The following DUS4L variants were observed in gnomAD, a reference collection of about 807,000 sequenced individuals.
The protein encoded by DUS4L is tRNA-dihydrouridine(20a/20b) synthase [NAD(P)+]-like.
A neutral mutation model predicts 33.8 loss-of-function variants in DUS4L; 31 were observed. The observed-to-expected ratio is 0.92, with a 90% CI of 0.69 to 1.24. The LOEUF is 1.24. Ranked by LOEUF, DUS4L falls within the 50% of genes most tolerant of loss-of-function variation. DUS4L has a pLI of 0.00. For synonymous variants in DUS4L, 103 were observed against 120.3 expected, an observed-to-expected ratio of 0.86 and a Z score of 0.94; for missense variants, 368 against 388.6, an observed-to-expected ratio of 0.95 and a Z score of 0.45.
intron 5 of DUS4L, 194 bp from the exon 6 acceptor site, chr7:107,574,994 C>G: frequency 1.5e-6 from 1 of 684,884 alleles, no homozygotes; most frequent in Non-Finnish European, 2.4e-6. Context: ...CTCCTGAGTA[C>G]TTTTTGATCT....
chr7:107,577,207 C>T, intron 7 of DUS4L, 106 bp from the exon 8 acceptor site: 1 of 1,464,100 alleles, frequency 6.8e-7, no homozygotes, highest in Admixed American at 2.1e-5. Context: ...CATTACAAAA[C>T]CTTGTGATAA....
intron 3 of DUS4L, chr7:107,567,695 G>A (rs1804835953): frequency 4.7e-6 from 2 of 428,440 alleles, no homozygotes; most frequent in Admixed American, 5.2e-5. Context: ...ATACAGTTCA[G>A]CAGTGTTAAT....
chr7:107,575,183 C>T lies in DUS4L; in HGVS notation c.357-5C>T. The T allele has an allele frequency of 6.2e-7, 1 of 1,606,134 alleles. No homozygotes were observed. The highest frequency in any genetic ancestry group is 8.5e-7 in the Non-Finnish European group (1 of 1,178,152). On this transcript the variant is annotated splice_region_variant and splice_polypyrimidine_tract_variant and intron_variant, in intron 5 of 7. Coordinates refer to ENST00000265720, the MANE Select transcript of DUS4L (RefSeq NM_181581.3). ...TTCACTTGTTCATGTGTTTGCTTTA[C>T]AAAGGTGGGCAATGGCAGAAGGTTA... is the stretch of plus-strand genomic sequence containing the variant.
At chr7:107,567,008 T>C in intron 2 of DUS4L, 42 bp from the exon 3 acceptor site, 1 of 1,330,574 alleles carries the variant, frequency 7.5e-7, no homozygotes, top group South Asian at 1.4e-5. Context: ...ATTAATATAG[T>C]GAAAACATAT....
chr7:107,576,907 A>G (rs1805806293), intron 7 of DUS4L: 1 of 297,884 alleles, frequency 3.4e-6, no homozygotes, highest in Non-Finnish European at 6.2e-6. Flanking sequence ...CGAGAATGAT[A>G]AGAGCTAAAG....
chr7:107,578,520 A>G lies in DUS4L; in HGVS notation c.*960A>G, dbSNP rs1805999918. The G allele has an allele frequency of 6.6e-6, 1 of 152,230 alleles. No individual in the cohort carries two copies. Among genetic ancestry groups the G allele is most frequent in the South Asian group, 2.1e-4 (1 of 4,830 alleles). 9.4% of individuals were successfully genotyped at this position (152,230 alleles called of 1,614,324 possible). ...GAATATTGAATGAATCCATTTTAACATAAGCACTGTGGTGCCATCTTTTTT... is the reference window on the plus strand; with the variant it reads ...GAATATTGAATGAATCCATTTTAACGTAAGCACTGTGGTGCCATCTTTTTT... On this transcript the variant is annotated 3_prime_UTR_variant, in exon 8 of 8. Coordinates refer to ENST00000265720, the MANE Select transcript of DUS4L (RefSeq NM_181581.3).
intron 7 of DUS4L, 26 bp from the exon 8 acceptor site, chr7:107,577,287 C>T (rs1805838523): frequency 6.2e-6 from 10 of 1,611,742 alleles, no homozygotes; most frequent in Non-Finnish European, 8.5e-6. Context: ...AATGTATGGA[C>T]AAATATGGTG....
intron 5 of DUS4L, among the ~76,000 whole-genome samples, chr7:107,574,341 T>G (rs2129196121): frequency 6.6e-6 from 1 of 151,378 alleles, no homozygotes; most frequent in African/African-American, 2.4e-5. Flanking sequence ...TTGACAATAA[T>G]ATTTCTTTTT....
In DUS4L at chr7:107,573,672, G is replaced by A. The variant is rs1403605480; in HGVS notation, c.239-32G>A. On this transcript the variant is annotated intron_variant, in intron 4 of 7. Coordinates refer to ENST00000265720, the MANE Select transcript of DUS4L (RefSeq NM_181581.3). ...GTGTGTGCATGGGGTTTTTTCCTGT[G>A]AATTTTAATGTTGAGCTATTCATTT... 2.5e-6 allele frequency: 4 copies of A among 1,590,068 alleles called. No homozygotes were observed. In the South Asian group the frequency reaches 4.6e-5, roughly 18 times the overall value.
Position 107,564,596 on chromosome 7 carries a change from A to G in DUS4L, c.-102A>G, listed in dbSNP as rs1425771035. ...TTCTACTTCTTCCTCAGTTTCAGTC[A>G]CGTGCCAGACTTTTTCTTAATTACA... On this transcript the variant is annotated 5_prime_UTR_variant, in exon 2 of 8. Transcript: ENST00000265720. 2.6e-5 allele frequency: 4 copies of G among 152,612 alleles called. No homozygotes were observed. Among genetic ancestry groups the G allele is most frequent in the African/African-American group, 9.7e-5 (4 of 41,438 alleles). The allele number at this position is 152,612 out of a possible 1,614,324, so 9.5% of individuals were successfully genotyped here.
In DUS4L at chr7:107,573,708, T is replaced by C. The variant is rs1244851954; in HGVS notation, c.243T>C (p.Asp81=). Residue 81 remains aspartate (D), a synonymous_variant, in exon 5 of 8, where the codon GAT becomes GAC. Coordinates refer to ENST00000265720, the MANE Select transcript of DUS4L (RefSeq NM_181581.3). ...RDSEFTTNQG[D]CPLIVQFAAN... ...TTGAGCTATTCATTTTGTCAGGTGA[T>C]TGCCCATTGATTGTTCAGTTTGCTG... The C allele has an allele frequency of 1.3e-5, 21 of 1,607,044 alleles. No homozygotes were observed. The highest frequency in any genetic ancestry group is 1.6e-4 in the Middle Eastern group (1 of 6,062).
intron 3 of DUS4L, 101 bp downstream of exon 3, chr7:107,567,287 A>G: frequency 1.1e-6 from 1 of 902,066 alleles, no homozygotes; most frequent in South Asian, 1.6e-5. Flanking sequence ...GGGAACTTCA[A>G]ACTCTTAGCT....
At chr7:107,571,986 C>T (rs980335534) in intron 4 of DUS4L, among the ~76,000 whole-genome samples, 5 of 151,720 alleles carry the variant, frequency 3.3e-5, no homozygotes, top group Admixed American at 3.3e-4. Context: ...TATGTTTCGT[C>T]ATTCAGCTCT....
rs1805622201 is a variant in DUS4L, at chr7:107,575,214, C to G, written c.383C>G (p.Ala128Gly). 1.9e-6 allele frequency: 3 copies of G among 1,608,094 alleles called. No homozygotes were observed. The highest frequency in any genetic ancestry group is 1.7e-6 in the Non-Finnish European group (2 of 1,178,044). Reference sequence around the variant, plus strand: ...TGGGCAATGGCAGAAGGTTATGGGGCTTGCTTAATAAACAAGCCAGAGCTT... The same window carrying G: ...TGGGCAATGGCAGAAGGTTATGGGGGTTGCTTAATAAACAAGCCAGAGCTT... ...QRWAMAEGYG[A>G]CLINKPELVQ... is the part of the protein sequence containing the mutation. The change falls in exon 6 of 8, where the codon GCT (alanine) becomes GGT (glycine). Residue 128 changes from alanine to glycine, a missense_variant. By Grantham distance (60) the Ala-to-Gly change is moderately conservative (BLOSUM62 0). Coordinates refer to ENST00000265720, the MANE Select transcript of DUS4L (RefSeq NM_181581.3).
chr7:107,564,100 C>G lies in DUS4L; in HGVS notation c.-220C>G. The G allele has an allele frequency of 8.1e-7, 1 of 1,232,014 alleles. No homozygotes were observed. Among genetic ancestry groups the G allele is most frequent in the South Asian group, 1.3e-5 (1 of 75,272 alleles). 76.3% of individuals were successfully genotyped at this position (1,232,014 alleles called of 1,614,324 possible). A position where few individuals can be genotyped will look rare whatever the true frequency, so the allele number is the denominator to read the frequency against. On this transcript the variant is annotated 5_prime_UTR_variant, in exon 1 of 8. Coordinates refer to ENST00000265720, the MANE Select transcript of DUS4L (RefSeq NM_181581.3). Reference sequence around the variant, plus strand: ...GCGCCCAGGGTCCGAGTGCTCTGCGCCCAGCGCACCGAGGGAGCCAAGGCC... The same window carrying G: ...GCGCCCAGGGTCCGAGTGCTCTGCGGCCAGCGCACCGAGGGAGCCAAGGCC...
At chr7:107,576,678 T>C in intron 7 of DUS4L, 86 bp downstream of exon 7, 2 of 1,270,552 alleles carry the variant, frequency 1.6e-6, no homozygotes, top group Non-Finnish European at 1.1e-6. Context: ...TTCATTTGTT[T>C]TGTTTAACAT....
At chr7:107,565,592 T>C (rs1443363701) in intron 2 of DUS4L, among the ~76,000 whole-genome samples, 1 of 152,140 alleles carries the variant, frequency 6.6e-6, no homozygotes, top group Non-Finnish European at 1.5e-5. Flanking sequence ...GGCAGGATCG[T>C]GGCTCACTGC....
rs1804776433 is a variant in DUS4L, at chr7:107,567,058, C to CA, written c.-12dup. On this transcript the variant is annotated 5_prime_UTR_variant, in exon 3 of 8. Transcript: ENST00000265720. ...CTTATTGTCTTTTTCAGATTTGAAA[C>CA]ATATCTGTATTAATGAAGAGTGACT... 6.3e-7 allele frequency: 1 copy of CA among 1,593,666 alleles called. No homozygotes were observed.
In DUS4L at chr7:107,575,273, G is replaced by A; in HGVS notation, c.442G>A (p.Val148Met). The A allele has an allele frequency of 1.2e-6, 2 of 1,611,510 alleles. No homozygotes were observed. The highest frequency in any genetic ancestry group is 1.1e-5 in the South Asian group (1 of 90,358). ...QDMVKQVRNQ[V>M]ETPGFSVSIK... The stretch of plus-strand genomic sequence containing the variant: ...CATGGTGAAACAAGTAAGAAATCAA[G>A]TGGAAACCCCTGGATTTTCAGTTTC... The change falls in exon 6 of 8, where the codon GTG becomes ATG. Residue 148 changes from valine (V) to methionine (M), a missense_variant. Val to Met is a conservative substitution (Grantham distance 21). Transcript: ENST00000265720.
Sources: allele counts gnomAD v4.1 joint callset (sites outside exome capture counted in the v4.1 genomes callset), GRCh38; gene constraint gnomAD v4.1.1; transcripts MANE v1.5; gene names NCBI Gene and HGNC (gene_info 2026-07-23, HGNC 2026-07-21).